Variants in CHN2 observed in about 807,000 individuals in gnomAD.
CHN2 encodes beta-chimaerin.
CHN2 carries 35 observed loss-of-function variants against 56.3 expected under a neutral mutation model. The observed-to-expected ratio is 0.62, with a 90% CI of 0.47 to 0.82. The LOEUF is 0.82. CHN2 is among the 40% of genes least tolerant of loss of function. CHN2 has a pLI of 0.00. For missense variants in CHN2, 491 were observed against 580.5 expected (o/e 0.85, Z 1.58); for synonymous variants, 210 against 212.8 (o/e 0.99, Z 0.12).
intron 6 of CHN2, among the ~76,000 whole-genome samples, chr7:29,445,734 A>T (rs1464999413): frequency 6.6e-6 from 1 of 151,820 alleles, no homozygotes; most frequent in African/African-American, 2.4e-5. Flanking sequence ...GTTACCAAAC[A>T]GTAAATATTT....
chr7:29,247,092 G>A (rs1479509623), intron 1 of CHN2, among the ~76,000 whole-genome samples: 1 of 152,148 alleles, frequency 6.6e-6, no homozygotes, highest in Non-Finnish European at 1.5e-5. Context: ...TCATGGAAGT[G>A]TTGGCATCTT....
At chr7:29,312,874 A>G (rs534909586) in intron 1 of CHN2, among the ~76,000 whole-genome samples, 16 of 152,202 alleles carry the variant, frequency 1.1e-4, no homozygotes, top group South Asian at 4.2e-4. Context: ...CCACCAGAAT[A>G]TGCTATTTCT....
intron 1 of CHN2, among the ~76,000 whole-genome samples, chr7:29,334,325 C>T (rs1421859840): frequency 6.6e-6 from 1 of 151,882 alleles, no homozygotes; most frequent in African/African-American, 2.4e-5. Flanking sequence ...TGCTGGGAGC[C>T]TAAATTCAAT....
chr7:29,480,234 G>A, intron 6 of CHN2, 45 bp from the exon 7 acceptor site: 4 of 1,614,150 alleles, frequency 2.5e-6, no homozygotes, highest in Non-Finnish European at 3.4e-6. Context: ...GGGTGTCAAA[G>A]GCGGCTTTCT....
chr7:29,308,495 T>C (rs1204885898), intron 1 of CHN2, among the ~76,000 whole-genome samples: 1 of 151,914 alleles, frequency 6.6e-6, no homozygotes, highest in Non-Finnish European at 1.5e-5. Flanking sequence ...GGATAGGAAT[T>C]GGGATTCTGC....
In CHN2 at chr7:29,204,852, A is replaced by G. The variant is rs148092296; in HGVS notation, c.49+9862A>G. Among the ~76,000 whole-genome samples the G allele has an allele frequency of 1.6e-4, 24 of 152,326 alleles. No individual in the cohort carries two copies. The East Asian group carries it at 4.4e-3, about 28-fold the overall frequency. ...TTCAGTGGAAAAAGCAATTGACAGA[A>G]GCTTTGTAAACTCTCCTGAAATAAT... On this transcript the variant is annotated intron_variant, in intron 1 of 12. Coordinates refer to ENST00000222792, the MANE Select transcript of CHN2 (RefSeq NM_004067.4).
rs1306824301 is a variant in CHN2 at position 29,513,962 on chromosome 7, T to TA, written c.*1233dup. The stretch of plus-strand genomic sequence containing the variant: ...ATCAAAAACTGTAAATCTAGATTTT[T>TA]AAAAAATCCAACTGCAATGTCTTTT... On this transcript the variant is annotated 3_prime_UTR_variant, in exon 13 of 13. Coordinates refer to ENST00000222792, the MANE Select transcript of CHN2 (RefSeq NM_004067.4). 1 of 152,642 alleles carries TA rather than the reference T, an allele frequency of 6.6e-6. No homozygotes were observed. Among genetic ancestry groups the TA allele is most frequent in the Non-Finnish European group, 1.5e-5 (1 of 68,028 alleles). The allele number at this position is 152,642 out of a possible 1,614,324, so 9.5% of individuals were successfully genotyped here.
chr7:29,253,351 G>C (rs983827920), intron 1 of CHN2, among the ~76,000 whole-genome samples: 1 of 152,228 alleles, frequency 6.6e-6, no homozygotes, highest in South Asian at 2.1e-4. Flanking sequence ...GGAGGAAGAG[G>C]TGGCTCATGT....
upstream of CHN2, chr7:29,194,099 G>A (rs1009997550): frequency 9.2e-5 from 14 of 152,462 alleles, no homozygotes; most frequent in Admixed American, 8.5e-4. Flanking sequence ...CGTGGCCCTA[G>A]TGATCCCGCC....
intron 1 of CHN2, among the ~76,000 whole-genome samples, chr7:29,290,549 G>C: frequency 6.6e-6 from 1 of 152,128 alleles, no homozygotes. Context: ...GAGCAATAGG[G>C]GTTTTGTTTG....
chr7:29,313,792 T>C (rs1794761355), intron 1 of CHN2, among the ~76,000 whole-genome samples: 1 of 152,174 alleles, frequency 6.6e-6, no homozygotes, highest in African/African-American at 2.4e-5. Context: ...ACAGCAGAGA[T>C]GGGGGTCTTA....
At chr7:29,308,469 G>A (rs892046257) in intron 1 of CHN2, among the ~76,000 whole-genome samples, 1 of 152,176 alleles carries the variant, frequency 6.6e-6, no homozygotes, top group Non-Finnish European at 1.5e-5. Context: ...TGGGGTGTGT[G>A]TGTGTGTGTG....
chr7:29,345,691 G>C (rs1797380361), intron 1 of CHN2, among the ~76,000 whole-genome samples: 1 of 152,096 alleles, frequency 6.6e-6, no homozygotes, highest in African/African-American at 2.4e-5. Flanking sequence ...TGTGCCCGAG[G>C]ACTGGCTCGT....
chr7:29,260,933 T>G (rs1039174988), intron 1 of CHN2, among the ~76,000 whole-genome samples: 1 of 152,184 alleles, frequency 6.6e-6, no homozygotes, highest in African/African-American at 2.4e-5. Context: ...CATAAGCCAC[T>G]TTGCAATTGT....
chr7:29,221,337 A>G (rs928130100), intron 1 of CHN2, among the ~76,000 whole-genome samples: 17 of 152,246 alleles, frequency 1.1e-4, no homozygotes, highest in African/African-American at 4.1e-4. Context: ...TGCTGGATGC[A>G]AGGTCAGTGT....
intron 3 of CHN2, chr7:29,376,599 G>A (rs568036579): frequency 6.6e-6 from 1 of 152,242 alleles, no homozygotes; most frequent in Non-Finnish European, 1.5e-5. Context: ...TCTAAGGACT[G>A]TTCTTGCTTC....
chr7:29,337,924 C>T (rs1049408451), intron 1 of CHN2, among the ~76,000 whole-genome samples: 1 of 151,780 alleles, frequency 6.6e-6, no homozygotes, highest in Non-Finnish European at 1.5e-5. Context: ...GATAAGAAAC[C>T]ACAGAACACC....
intron 1 of CHN2, among the ~76,000 whole-genome samples, chr7:29,230,288 A>C (rs1030354745): frequency 6.6e-6 from 1 of 152,242 alleles, no homozygotes; most frequent in East Asian, 1.9e-4. Context: ...CTAAACAAAA[A>C]TTCGTTGTAA....
chr7:29,375,689 G>T (rs1248508476), intron 3 of CHN2, among the ~76,000 whole-genome samples: 1 of 152,218 alleles, frequency 6.6e-6, no homozygotes, highest in East Asian at 1.9e-4. Context: ...GATCTCAGGT[G>T]GTGGTGGTAG....
Sources: gnomAD v4.1 joint callset for allele counts (sites outside exome capture counted in the v4.1 genomes callset) on GRCh38, gnomAD v4.1.1 for gene constraint, MANE v1.5 for transcripts, NCBI Gene and HGNC (gene_info 2026-07-23, HGNC 2026-07-21) for gene names.